Variants in MED15 observed in about 807,000 individuals in gnomAD.
The protein encoded by MED15 is mediator complex subunit 15, also known as mediator of RNA polymerase II transcription subunit 15.
In MED15, 41 loss-of-function variants were observed where a neutral mutation model predicts 118.7. The observed-to-expected ratio is 0.35, with a 90% CI of 0.27 to 0.45. The LOEUF (loss-of-function observed/expected upper bound fraction) is 0.45, where lower values mean the gene tolerates loss of function less well. Among genes scored for constraint, MED15 ranks in the 20% least tolerant of loss-of-function variants. The pLI, the probability that MED15 is intolerant of heterozygous loss-of-function variation, is 1.00. For synonymous variants in MED15, 436 were observed against 413.9 expected, an observed-to-expected ratio of 1.05 and a Z score of -0.65; for missense variants, 740 against 1,025.5, an observed-to-expected ratio of 0.72 and a Z score of 3.80.
intron 8 of MED15, among the ~76,000 whole-genome samples, chr22:20,569,650 A>T (rs1184785604): frequency 6.6e-6 from 1 of 152,034 alleles, no homozygotes; most frequent in African/African-American, 2.4e-5. Flanking sequence ...AGGGAATCTG[A>T]GGTATTTGGC....
chr22:20,577,560 G>A (rs1324787526), intron 9 of MED15, among the ~76,000 whole-genome samples: 1 of 152,102 alleles, frequency 6.6e-6, no homozygotes, highest in Non-Finnish European at 1.5e-5. Flanking sequence ...AGGAGGTAAG[G>A]TGGAGCAGAG....
Position 20,558,973 on chromosome 22 carries a change from T to C in MED15, c.451+3825T>C, listed in dbSNP as rs13054008. On this transcript the variant is annotated intron_variant, in intron 5 of 17. Transcript: ENST00000263205. ...GACCACACACACAGGAACTGTTAGT[T>C]ATGGGCCATGGGGTATATAAAGAAA... 4.1e-3 allele frequency among the ~76,000 whole-genome samples: 621 copies of C among 152,174 alleles called. 3 individuals carry two copies. Among genetic ancestry groups the C allele is most frequent in the Non-Finnish European group, 5.6e-3 (382 of 68,016 alleles).
At position 20,586,560 on chromosome 22, in the gene MED15, T is replaced by C. The variant is rs961875812; in HGVS notation, c.2231-8T>C. 2 of 1,611,854 alleles carry C rather than the reference T, an allele frequency of 1.2e-6. No homozygotes were observed. The highest frequency in any genetic ancestry group is 1.7e-6 in the Non-Finnish European group (2 of 1,179,336). ...CGCCTTAGGTTCACGCCCACTGCTC[T>C]GTTGCAGACGCCAACCCCTTCCTCC... On this transcript the variant is annotated splice_region_variant and splice_polypyrimidine_tract_variant and intron_variant, in intron 17 of 17. Coordinates refer to ENST00000263205, the MANE Select transcript of MED15 (RefSeq NM_001003891.3).
rs575419859 is a variant in MED15 at position 20,571,060 on chromosome 22, G to A, written c.1152+2429G>A. On this transcript the variant is annotated intron_variant, in intron 8 of 17. Transcript: ENST00000263205. The stretch of plus-strand genomic sequence containing the variant: ...CAGGCGTGAGCCACTGTGCCCAGCC[G>A]AACTTTCCTTTTCTTTCCATTTCTT... Among the ~76,000 whole-genome samples the A allele has an allele frequency of 1.2e-4, 18 of 152,196 alleles. 1 individual carries two copies. Among genetic ancestry groups the A allele is most frequent in the Admixed American group, 2.6e-4 (4 of 15,294 alleles).
At chr22:20,564,761 G>A (rs1402867631) in intron 6 of MED15, 73 bp downstream of exon 6, 3 of 1,598,724 alleles carry the variant, frequency 1.9e-6, no homozygotes, top group Non-Finnish European at 1.7e-6. Flanking sequence ...CAGCCACAAT[G>A]CTGGGTGCAG....
In MED15 at chr22:20,587,530, G is replaced by A. The variant is rs1008917407; in HGVS notation, c.*826G>A. The A allele has an allele frequency of 3.2e-5, 10 of 308,876 alleles. No individual in the cohort carries two copies. In the East Asian group the frequency reaches 3.4e-4, roughly 10 times the overall value. 19.1% of individuals were successfully genotyped at this position (308,876 alleles called of 1,614,324 possible). On this transcript the variant is annotated 3_prime_UTR_variant, in exon 18 of 18. Coordinates refer to ENST00000263205, the MANE Select transcript of MED15 (RefSeq NM_001003891.3). ...TATGTTGCCTGCCACTCTGGGCACC[G>A]GCCAGCACCCTCTGGTGAGAAGAGG...
intron 5 of MED15, among the ~76,000 whole-genome samples, chr22:20,562,693 T>C (rs2056290844): frequency 6.6e-6 from 1 of 152,094 alleles, no homozygotes; most frequent in Admixed American, 6.6e-5. Flanking sequence ...GTCATACATG[T>C]TTTATGAATG....
chr22:20,521,695 C>CTTATTTATTTAT (rs60248748), intron 1 of MED15, among the ~76,000 whole-genome samples: 30 of 141,030 alleles, frequency 2.1e-4, no homozygotes, highest in East Asian at 8.3e-4. Context: ...TGCGCCTGGC[C>CTTATTTATTTAT]TTATTTATTT....
chr22:20,519,013 C>T (rs764779143), intron 1 of MED15: 36 of 356,768 alleles, frequency 1.0e-4, no homozygotes, highest in Middle Eastern at 2.0e-3. Flanking sequence ...CCTCCATGCC[C>T]GGCTAATTTG....
intron 4 of MED15, among the ~76,000 whole-genome samples, chr22:20,553,403 A>G (rs1179031111): frequency 6.6e-6 from 1 of 152,220 alleles, no homozygotes; most frequent in African/African-American, 2.4e-5. Context: ...TTTCACACAA[A>G]TGCTGCCTTT....
At chr22:20,541,014 G>A (rs1174274691) in intron 2 of MED15, among the ~76,000 whole-genome samples, 1 of 152,124 alleles carries the variant, frequency 6.6e-6, no homozygotes, top group Non-Finnish European at 1.5e-5. Context: ...AGATCACGAG[G>A]TCAGGAGATT....
intron 4 of MED15, 116 bp from the exon 5 acceptor site, chr22:20,554,820 G>T: frequency 2.0e-6 from 2 of 1,002,262 alleles, no homozygotes; most frequent in Non-Finnish European, 2.9e-6. Context: ...TTGGGGCTGT[G>T]AGGGGATTGA....
rs537362051 is a variant in MED15 at position 20,527,912 on chromosome 22, G to A, written c.69-9205G>A. ...GCAGAGGTTGCAGTGAGCCGAGATC[G>A]TGCCACTGGACTCCAGCCTGGGCGA... On this transcript the variant is annotated intron_variant, in intron 1 of 17. Transcript: ENST00000263205. 2.0e-3 allele frequency among the ~76,000 whole-genome samples: 299 copies of A among 149,132 alleles called. 1 individual carries two copies. The highest frequency in any genetic ancestry group is 2.0e-3 in the Non-Finnish European group (134 of 67,626).
intron 2 of MED15, among the ~76,000 whole-genome samples, chr22:20,539,751 T>C (rs2055217812): frequency 6.6e-6 from 1 of 152,158 alleles, no homozygotes; most frequent in Non-Finnish European, 1.5e-5. Flanking sequence ...CTTGTTATTG[T>C]CTATTTTAAT....
In MED15 at chr22:20,585,164, T is replaced by G. The variant is rs61748929; in HGVS notation, c.2028T>G (p.Ser676Arg). 9 of 1,613,758 alleles carry G rather than the reference T, an allele frequency of 5.6e-6. No individual in the cohort carries two copies. Among genetic ancestry groups the G allele is most frequent in the Non-Finnish European group, 7.6e-6 (9 of 1,180,002 alleles). The part of the protein sequence containing the change: ...LEDDERQSIP[S>R]VLQGEVARLD... ...ATGATGAGCGGCAGAGCATCCCCAG[T>G]GTGCTCCAGGGTGAGGTGGCCAGGC... Residue 676 changes from serine to arginine, a missense_variant, in exon 16 of 18, where the codon AGT becomes AGG. Physicochemically the swap from Ser to Arg is moderately radical, Grantham distance 110. This residue lies in a region of MED15 where 179 missense variants were observed against 259.0 expected (regional missense o/e 0.69). Transcript: ENST00000263205.
intron 1 of MED15, among the ~76,000 whole-genome samples, chr22:20,518,555 G>A (rs749506196): frequency 6.6e-6 from 1 of 152,158 alleles, no homozygotes; most frequent in Non-Finnish European, 1.5e-5. Context: ...CCCTCATTGA[G>A]TGCATCCTGA....
At chr22:20,520,092 G>A (rs1424907245) in intron 1 of MED15, among the ~76,000 whole-genome samples, 3 of 152,182 alleles carry the variant, frequency 2.0e-5, no homozygotes, top group Admixed American at 1.3e-4. Context: ...AGGGGAATGA[G>A]GGACATCTGG....
At chr22:20,519,721 C>G (rs1021347835) in intron 1 of MED15, among the ~76,000 whole-genome samples, 5 of 152,200 alleles carry the variant, frequency 3.3e-5, no homozygotes, top group Non-Finnish European at 5.9e-5. Flanking sequence ...TCCCACAGTG[C>G]TGGGATTACA....
intron 1 of MED15, among the ~76,000 whole-genome samples, chr22:20,535,209 C>T (rs1199417770): frequency 1.3e-5 from 2 of 152,166 alleles, no homozygotes; most frequent in East Asian, 1.9e-4. Context: ...CCACCTGCCT[C>T]GGCCTCCCAA....
Sources: allele counts gnomAD v4.1 joint callset (sites outside exome capture counted in the v4.1 genomes callset), GRCh38; gene constraint gnomAD v4.1.1; regional missense constraint gnomAD v4.1.1; transcripts MANE v1.5; gene names NCBI Gene and HGNC (gene_info 2026-07-23, HGNC 2026-07-21).